The following RAB38 variants were observed in gnomAD, a reference collection of about 807,000 sequenced individuals.
RAB38 encodes the protein ras-related protein Rab-38.
In RAB38, 15 loss-of-function variants were observed where a neutral mutation model predicts 18.4. That is an observed-to-expected ratio of 0.82 (90% CI 0.55 to 1.26). RAB38 has a LOEUF of 1.26. Ranked by LOEUF, RAB38 falls within the 50% of genes most tolerant of loss-of-function variation. The pLI, the probability that RAB38 is intolerant of heterozygous loss-of-function variation, is 0.00. For missense variants in RAB38, 294 were observed against 267.4 expected (o/e 1.10, Z -0.69); for synonymous variants, 101 against 104.4 (o/e 0.97, Z 0.20).
intron 2 of RAB38, among the ~76,000 whole-genome samples, chr11:88,142,563 G>A (rs1377018188): frequency 2.6e-5 from 4 of 152,162 alleles, no homozygotes. Flanking sequence ...CCTGAAGAAA[G>A]GGTTAATACT....
the RAB38 span, among the ~76,000 whole-genome samples, chr11:87,837,749 C>G: frequency 6.6e-6 from 1 of 152,210 alleles, no homozygotes; most frequent in African/African-American, 2.4e-5. Flanking sequence ...CCAAGTCACA[C>G]AGATAGTGTT....
At chr11:88,023,570 C>T in the RAB38 span, among the ~76,000 whole-genome samples, 8 of 151,864 alleles carry the variant, frequency 5.3e-5, no homozygotes, top group African/African-American at 1.7e-4. Flanking sequence ...TATAGAATCA[C>T]AAAAGGACCA....
At chr11:87,844,599 A>T in the RAB38 span, among the ~76,000 whole-genome samples, 222 of 152,168 alleles carry the variant, frequency 1.5e-3, no homozygotes, top group Non-Finnish European at 2.7e-3. Context: ...TGTCTAATTT[A>T]TCTCAGGTTT....
At chr11:87,946,715 T>A in the RAB38 span, among the ~76,000 whole-genome samples, 1 of 152,328 alleles carries the variant, frequency 6.6e-6, no homozygotes, top group East Asian at 1.9e-4. Flanking sequence ...ACAAAGGACA[T>A]GAACTCATCA....
the RAB38 span, among the ~76,000 whole-genome samples, chr11:87,884,083 C>T: frequency 6.6e-6 from 1 of 151,954 alleles, no homozygotes; most frequent in Non-Finnish European, 1.5e-5. Context: ...GATGATTGAG[C>T]TAAAGATGAT....
At chr11:87,939,375 TACATAC>T in the RAB38 span, among the ~76,000 whole-genome samples, 236 of 102,102 alleles carry the variant, frequency 2.3e-3, no homozygotes, top group African/African-American at 8.8e-3. Context: ...AACACACACA[TACATAC>T]ACACACACAC....
At chr11:88,094,239 A>G in the RAB38 span, among the ~76,000 whole-genome samples, 2 of 151,904 alleles carry the variant, frequency 1.3e-5, no homozygotes, top group South Asian at 2.1e-4. Flanking sequence ...ATTCCTAGAT[A>G]GATACACAGC....
At chr11:88,165,507 C>T (rs1029249380) in intron 1 of RAB38, 40 of 152,212 alleles carry the variant, frequency 2.6e-4, no homozygotes, top group African/African-American at 9.6e-4. Flanking sequence ...GGAAAACAGT[C>T]TAACCAAAAA....
chr11:88,026,349 G>A, the RAB38 span, among the ~76,000 whole-genome samples: 2 of 151,378 alleles, frequency 1.3e-5, no homozygotes, highest in African/African-American at 4.9e-5. Context: ...GGATCACGAG[G>A]TCAGGAGATC....
the RAB38 span, among the ~76,000 whole-genome samples, chr11:88,023,895 C>G: frequency 6.6e-6 from 1 of 152,046 alleles, no homozygotes; most frequent in East Asian, 1.9e-4. Context: ...AAAATCAAAT[C>G]AAAATGAATT....
At chr11:88,091,442 C>A in the RAB38 span, among the ~76,000 whole-genome samples, 1 of 151,990 alleles carries the variant, frequency 6.6e-6, no homozygotes, top group Non-Finnish European at 1.5e-5. Flanking sequence ...ACTAATGTTA[C>A]AGCTTGGTAG....
chr11:88,065,857 G>A, the RAB38 span, among the ~76,000 whole-genome samples: 461 of 152,252 alleles, frequency 3.0e-3, 3 homozygotes, highest in Non-Finnish European at 3.3e-3. Context: ...CTTCGATTTG[G>A]TCAATTGTCC....
intron 2 of RAB38, among the ~76,000 whole-genome samples, chr11:88,137,123 C>A (rs967177565): frequency 1.4e-4 from 22 of 152,308 alleles, no homozygotes; most frequent in South Asian, 6.2e-4. Context: ...AGACCTTCAA[C>A]AACTGACATG....
rs527947091 is a variant in RAB38, at chr11:88,136,521, G to A, written c.483+13154C>T. On this transcript the variant is annotated intron_variant, in intron 2 of 2. Coordinates refer to ENST00000243662, the MANE Select transcript of RAB38 (RefSeq NM_022337.3). The stretch of plus-strand genomic sequence containing the variant: ...AAACAAGGAAGCCACTCTGCCCAGG[G>A]TTGAAGATCAAGAAAGTTAACATTG... Among the ~76,000 whole-genome samples, 74 of 152,306 alleles carry A rather than the reference G, an allele frequency of 4.9e-4. 1 individual carries two copies. The South Asian group carries it at 9.1e-3, about 19-fold the overall frequency.
In RAB38 at chr11:88,149,826, T is replaced by C. The variant is rs1943041385; in HGVS notation, c.332A>G (p.Lys111Arg). The change falls in exon 2 of 3, where the codon AAG becomes AGG. Residue 111 changes from lysine (K) to arginine (R), a missense_variant. Transcript: ENST00000243662. ...CGGTTTGCCATTAGGGAGACTTAACTTGGAGTCCAAATCATTTTTCCACTT... is the reference window on the plus strand; with the variant it reads ...CGGTTTGCCATTAGGGAGACTTAACCTGGAGTCCAAATCATTTTTCCACTT... ...VAKWKNDLDS[K>R]LSLPNGKPVS... The C allele has an allele frequency of 1.2e-6, 2 of 1,614,130 alleles. No homozygotes were observed. Among genetic ancestry groups the C allele is most frequent in the Non-Finnish European group, 1.7e-6 (2 of 1,180,026 alleles).
chr11:87,871,142 G>A, the RAB38 span, among the ~76,000 whole-genome samples: 1 of 151,478 alleles, frequency 6.6e-6, no homozygotes, highest in South Asian at 2.1e-4. Context: ...TTCACCTGAG[G>A]GTCTAAACAT....
At position 88,149,924 on chromosome 11, in the gene RAB38, G is replaced by C; in HGVS notation, c.234C>G (p.Val78=). 4 of 1,613,598 alleles carry C rather than the reference G, an allele frequency of 2.5e-6. No homozygotes were observed. The highest frequency in any genetic ancestry group is 3.4e-6 in the Non-Finnish European group (4 of 1,179,722). The change falls in exon 2 of 3, where the codon GTC becomes GTG. Residue 78 remains valine, a synonymous_variant. Coordinates refer to ENST00000243662, the MANE Select transcript of RAB38 (RefSeq NM_022337.3). The part of the protein sequence containing the change: ...GQERFGNMTR[V]YYREAMGAFI... ...ATGCACCCATAGCTTCTCGGTAATA[G>C]ACCCTCGTCATGTTTCCAAATCTTT...
At chr11:87,906,947 A>G in the RAB38 span, among the ~76,000 whole-genome samples, 1 of 151,852 alleles carries the variant, frequency 6.6e-6, no homozygotes, top group East Asian at 1.9e-4. Flanking sequence ...GTTTATTGAC[A>G]TATTATAATA....
At chr11:88,034,893 T>C in the RAB38 span, among the ~76,000 whole-genome samples, 1 of 152,244 alleles carries the variant, frequency 6.6e-6, no homozygotes, top group Non-Finnish European at 1.5e-5. Flanking sequence ...TAGATCTGCA[T>C]GTGTTTATTA....
Sources: gnomAD v4.1 joint callset for allele counts (sites outside exome capture counted in the v4.1 genomes callset) on GRCh38, gnomAD v4.1.1 for gene constraint, MANE v1.5 for transcripts, NCBI Gene and HGNC (gene_info 2026-07-23, HGNC 2026-07-21) for gene names.